The following EFR3B variants were observed in gnomAD, a reference collection of about 807,000 sequenced individuals.
The protein encoded by EFR3B is protein EFR3 homolog B.
In EFR3B, 64 loss-of-function variants were observed where a neutral mutation model predicts 104.7. That is an observed-to-expected ratio of 0.61 (90% CI 0.50 to 0.75). EFR3B has a LOEUF of 0.75. Among genes scored for constraint, EFR3B ranks in the 30% least tolerant of loss-of-function variants. The pLI is 0.00. For missense variants in EFR3B, 750 were observed against 1,078.5 expected (o/e 0.70, Z 4.27); for synonymous variants, 385 against 417.9 (o/e 0.92, Z 0.96).
chr2:25,138,734 C>A (rs992073996), intron 15 of EFR3B, among the ~76,000 whole-genome samples: 2 of 152,110 alleles, frequency 1.3e-5, no homozygotes, highest in Non-Finnish European at 2.9e-5. Flanking sequence ...GAGACAGCAC[C>A]CTGGCAGTGG....
chr2:25,116,351 C>T (rs969035816), intron 4 of EFR3B, among the ~76,000 whole-genome samples: 22 of 152,256 alleles, frequency 1.4e-4, no homozygotes, highest in African/African-American at 2.4e-4. Context: ...AGGCCAGGTG[C>T]GGTGGCTCAT....
chr2:25,094,811 A>G (rs1669233541), intron 3 of EFR3B, among the ~76,000 whole-genome samples: 1 of 152,058 alleles, frequency 6.6e-6, no homozygotes, highest in Non-Finnish European at 1.5e-5. Flanking sequence ...TTTTTTTAAG[A>G]CAAGGTCTTG....
At chr2:25,121,302 G>A (rs1266654727) in intron 4 of EFR3B, among the ~76,000 whole-genome samples, 1 of 152,116 alleles carries the variant, frequency 6.6e-6, no homozygotes, top group African/African-American at 2.4e-5. Context: ...CTCCTGCTTC[G>A]TCGCTGGCTT....
rs111731288 is a variant in EFR3B, at chr2:25,064,931, C to A, written c.7+22612C>A. Among the ~76,000 whole-genome samples, 63 of 152,166 alleles carry A rather than the reference C, an allele frequency of 4.1e-4. 1 individual carries two copies. The highest frequency in any genetic ancestry group is 1.5e-3 in the African/African-American group (62 of 41,512). On this transcript the variant is annotated intron_variant, in intron 1 of 22. Coordinates refer to ENST00000403714, the MANE Select transcript of EFR3B (RefSeq NM_014971.2). ...ACAGTAATTTTATCATCAAAGCTAC[C>A]AAACACATTTTGGATTCTAAGGACA... is the stretch of plus-strand genomic sequence containing the variant.
intron 4 of EFR3B, among the ~76,000 whole-genome samples, chr2:25,110,187 C>T (rs1669686216): frequency 6.6e-6 from 1 of 152,168 alleles, no homozygotes; most frequent in African/African-American, 2.4e-5. Flanking sequence ...AGACTCCCTT[C>T]CTCTGCCACC....
At position 25,135,588 on chromosome 2, in the gene EFR3B, T is replaced by C; in HGVS notation, c.1433T>C (p.Leu478Pro). ...ATTCGACTCTTTGTTCTAGAGATTC[T>C]CATCAGTTTCATTGATCGTCATGGC... ...AEIRLFVLEI[L>P]ISFIDRHGNR... is the part of the protein sequence containing the mutation. The change falls in exon 13 of 23, where the codon CTC becomes CCC. Residue 478 changes from leucine (L) to proline (P), a missense_variant. Transcript: ENST00000403714. 1.3e-6 allele frequency: 2 copies of C among 1,552,030 alleles called. No homozygotes were observed. The highest frequency in any genetic ancestry group is 2.7e-5 in the African/African-American group (2 of 73,186).
At chr2:25,048,809 G>A (rs1485932283) in intron 1 of EFR3B, among the ~76,000 whole-genome samples, 1 of 152,130 alleles carries the variant, frequency 6.6e-6, no homozygotes, top group African/African-American at 2.4e-5. Context: ...GCCACTACCA[G>A]TCTCCACGTC....
chr2:25,063,066 G>A (rs1015352155), intron 1 of EFR3B, among the ~76,000 whole-genome samples: 5 of 151,858 alleles, frequency 3.3e-5, no homozygotes, highest in African/African-American at 1.2e-4. Flanking sequence ...TGGGATTATA[G>A]GTGCCCCCCA....
intron 1 of EFR3B, among the ~76,000 whole-genome samples, chr2:25,060,156 A>C (rs890217405): frequency 1.3e-5 from 2 of 152,210 alleles, no homozygotes; most frequent in Non-Finnish European, 2.9e-5. Flanking sequence ...AGATCACGCC[A>C]TTGCACTCCA....
At chr2:25,065,346 A>ATTTTT (rs749717958) in intron 1 of EFR3B, among the ~76,000 whole-genome samples, 1 of 93,356 alleles carries the variant, frequency 1.1e-5, no homozygotes, top group African/African-American at 4.3e-5. Flanking sequence ...ACACCCAGCT[A>ATTTTT]TTTTTTTTTT....
chr2:25,121,122 G>C (rs1413375826), intron 4 of EFR3B, among the ~76,000 whole-genome samples: 3 of 152,046 alleles, frequency 2.0e-5, no homozygotes, highest in African/African-American at 7.2e-5. Context: ...GGCTGGTCTC[G>C]AACTCCTGAC....
chr2:25,130,037 A>T lies in EFR3B; in HGVS notation c.698A>T (p.Glu233Val), dbSNP rs1670286675. The change falls in exon 7 of 23, where the codon GAG becomes GTG. Residue 233 changes from glutamate (E) to valine (V), a missense_variant. Glu to Val is a moderately radical substitution (Grantham distance 121). Transcript: ENST00000403714. The surrounding 1 kb of genome is among the most constrained non-coding windows in gnomAD (Gnocchi z 4.6). Reference protein sequence around the residue: ...KEKESPAELAERCLRELLGRA... With the variant: ...KEKESPAELAVRCLRELLGRA... ...AAAGAGAGCCCCGCGGAGCTGGCTG[A>T]GAGGTGTCTTCGGGAGCTGCTGGGC... 6.4e-7 allele frequency: 1 copy of T among 1,551,628 alleles called. No individual in the cohort carries two copies. The highest frequency in any genetic ancestry group is 2.0e-5 in the Admixed American group (1 of 50,982).
At chr2:25,070,867 G>A (rs1374087966) in intron 1 of EFR3B, among the ~76,000 whole-genome samples, 2 of 152,188 alleles carry the variant, frequency 1.3e-5, no homozygotes, top group African/African-American at 2.4e-5. Flanking sequence ...ATATCCATTC[G>A]GATTAATGCA....
chr2:25,053,156 A>AGCAGAAG (rs1256078742), intron 1 of EFR3B, among the ~76,000 whole-genome samples: 44 of 152,330 alleles, frequency 2.9e-4, no homozygotes, highest in Admixed American at 7.8e-4. Context: ...GGGCAAGAGA[A>AGCAGAAG]TGTAAGAGGC....
chr2:25,133,831 A>G (rs1307180360), intron 12 of EFR3B, among the ~76,000 whole-genome samples: 1 of 151,864 alleles, frequency 6.6e-6, no homozygotes, highest in Non-Finnish European at 1.5e-5. Flanking sequence ...TGCCCACCTC[A>G]GTCTCCCAGC....
At chr2:25,081,031 T>C (rs912809999) in intron 1 of EFR3B, 1 of 750,742 alleles carries the variant, frequency 1.3e-6, no homozygotes, top group African/African-American at 1.7e-5. Context: ...ACATCTGCAA[T>C]GTTGACACCA....
chr2:25,142,399 A>C (rs1428071857), intron 17 of EFR3B, among the ~76,000 whole-genome samples: 1 of 150,636 alleles, frequency 6.6e-6, no homozygotes, highest in Non-Finnish European at 1.5e-5. Context: ...CAGTGAGCCG[A>C]GATCATGCCA....
intron 1 of EFR3B, among the ~76,000 whole-genome samples, chr2:25,043,217 G>A (rs1477454864): frequency 6.6e-6 from 1 of 152,118 alleles, no homozygotes; most frequent in East Asian, 1.9e-4. Context: ...ATAAGTCCAT[G>A]AAAACCCAGG....
At chr2:25,150,637 G>C (rs1398913987) in intron 20 of EFR3B, among the ~76,000 whole-genome samples, 1 of 146,776 alleles carries the variant, frequency 6.8e-6, no homozygotes, top group Non-Finnish European at 1.5e-5. Context: ...CTGAGACAGA[G>C]TCTCGCCCTG....
Sources: allele counts gnomAD v4.1 joint callset (sites outside exome capture counted in the v4.1 genomes callset), GRCh38; gene constraint gnomAD v4.1.1; non-coding constraint Gnocchi (gnomAD v3.1); transcripts MANE v1.5; gene names NCBI Gene and HGNC (gene_info 2026-07-23, HGNC 2026-07-21).